THRAP3: variants seen among roughly 807,000 people sequenced by gnomAD.
THRAP3 encodes the protein thyroid hormone receptor-associated protein 3.
Under a neutral mutation model 101.0 loss-of-function variants are expected in THRAP3, and 16 were observed. The ratio of observed to expected loss-of-function variants is 0.16; its 90% CI spans 0.11 to 0.24. The LOEUF (loss-of-function observed/expected upper bound fraction) is 0.24. Among genes scored for constraint, THRAP3 ranks in the 10% least tolerant of loss-of-function variants. The pLI is 1.00. For synonymous variants in THRAP3, 407 were observed against 422.6 expected, an observed-to-expected ratio of 0.96 and a Z score of 0.45; for missense variants, 989 against 1,202.7, an observed-to-expected ratio of 0.82 and a Z score of 2.63.
At chr1:36,263,150 A>G (rs1645469347) in intron 2 of THRAP3, among the ~76,000 whole-genome samples, 1 of 151,256 alleles carries the variant, frequency 6.6e-6, no homozygotes, top group Non-Finnish European at 1.5e-5. Context: ...CCAAGGCTGG[A>G]GTGCAGTGGC....
chr1:36,219,493 C>T (rs1212833617), upstream of THRAP3, among the ~76,000 whole-genome samples: 1 of 152,090 alleles, frequency 6.6e-6, no homozygotes, highest in Non-Finnish European at 1.5e-5. Context: ...GGAGCAATCT[C>T]GGCTCACTGT....
At chr1:36,243,989 C>A (rs1645200355) in intron 1 of THRAP3, among the ~76,000 whole-genome samples, 1 of 144,702 alleles carries the variant, frequency 6.9e-6, no homozygotes. Flanking sequence ...CCCCACCTCC[C>A]TCCCGGACGG....
intron 1 of THRAP3, among the ~76,000 whole-genome samples, chr1:36,228,850 G>A (rs1227412155): frequency 6.6e-6 from 1 of 152,106 alleles, no homozygotes; most frequent in Non-Finnish European, 1.5e-5. Flanking sequence ...CCATAAAAAT[G>A]TAGGCTGGGC....
chr1:36,270,428 C>T (rs181452456), intron 2 of THRAP3, among the ~76,000 whole-genome samples: 4 of 152,230 alleles, frequency 2.6e-5, no homozygotes, highest in Admixed American at 2.0e-4. Flanking sequence ...CGCACACGCA[C>T]GCATGCCTGC....
upstream of THRAP3, among the ~76,000 whole-genome samples, chr1:36,222,979 A>C (rs895431063): frequency 3.3e-5 from 5 of 152,206 alleles, no homozygotes; most frequent in South Asian, 1.0e-3. Context: ...AAGTAGAAAA[A>C]TTAGCCGGGT....
intron 1 of THRAP3, among the ~76,000 whole-genome samples, chr1:36,245,320 T>C (rs760321588): frequency 6.6e-6 from 1 of 151,734 alleles, no homozygotes; most frequent in African/African-American, 2.4e-5. Flanking sequence ...GCCTGCGCCA[T>C]CACACCCGGC....
chr1:36,293,308 C>T (rs1306739968), intron 7 of THRAP3, among the ~76,000 whole-genome samples: 3 of 152,126 alleles, frequency 2.0e-5, no homozygotes, highest in Admixed American at 6.5e-5. Context: ...GGATTACAGG[C>T]GTGAGCCACT....
chr1:36,271,960 C>T (rs1645598051), intron 2 of THRAP3, among the ~76,000 whole-genome samples: 1 of 151,944 alleles, frequency 6.6e-6, no homozygotes, highest in Admixed American at 6.6e-5. Context: ...GAACTCCTGA[C>T]CTCAAGTAAT....
At chr1:36,256,989 G>A (rs1451956113) in intron 1 of THRAP3, among the ~76,000 whole-genome samples, 2 of 152,172 alleles carry the variant, frequency 1.3e-5, no homozygotes, top group African/African-American at 2.4e-5. Flanking sequence ...TAAAGACGGG[G>A]TTTCTCCATG....
intron 2 of THRAP3, among the ~76,000 whole-genome samples, chr1:36,272,997 G>T (rs1645610455): frequency 6.6e-6 from 1 of 152,222 alleles, no homozygotes; most frequent in Non-Finnish European, 1.5e-5. Flanking sequence ...TGAAGAGAAT[G>T]GAGATTGAAG....
chr1:36,280,936 T>G (rs1017771436), intron 2 of THRAP3, among the ~76,000 whole-genome samples: 39 of 151,878 alleles, frequency 2.6e-4, no homozygotes, highest in Non-Finnish European at 5.7e-4. Context: ...TATTTATTTT[T>G]TTTTTTGAGA....
At chr1:36,274,592 G>A (rs984508388) in intron 2 of THRAP3, among the ~76,000 whole-genome samples, 6 of 149,756 alleles carry the variant, frequency 4.0e-5, no homozygotes, top group Non-Finnish European at 8.9e-5. Flanking sequence ...TTGAGAGTCC[G>A]GAAATGAATC....
chr1:36,231,444 T>C (rs1645026905), intron 1 of THRAP3, among the ~76,000 whole-genome samples: 1 of 152,208 alleles, frequency 6.6e-6, no homozygotes, highest in African/African-American at 2.4e-5. Context: ...TTGGCCTGTC[T>C]CAGAAGATAG....
At chr1:36,210,821 C>A in the THRAP3 span, among the ~76,000 whole-genome samples, 1 of 141,638 alleles carries the variant, frequency 7.1e-6, no homozygotes, top group Non-Finnish European at 1.5e-5. Flanking sequence ...ACTGGAATCA[C>A]CTGAATCAAC....
At chr1:36,294,683 C>T (rs1284657830) in intron 8 of THRAP3, among the ~76,000 whole-genome samples, 1 of 152,194 alleles carries the variant, frequency 6.6e-6, no homozygotes, top group Non-Finnish European at 1.5e-5. Flanking sequence ...CGCTTCTGGG[C>T]AGTCTCTCTT....
intron 10 of THRAP3, 114 bp from the exon 11 acceptor site, chr1:36,301,439 C>G: frequency 7.5e-7 from 1 of 1,326,524 alleles, no homozygotes; most frequent in South Asian, 1.5e-5. Flanking sequence ...CAGCATATGA[C>G]TGGAAGACAG....
At chr1:36,292,502 C>T (rs950735820) in intron 6 of THRAP3, 96 bp from the exon 7 acceptor site, 5 of 817,536 alleles carry the variant, frequency 6.1e-6, no homozygotes, top group South Asian at 5.1e-5. Flanking sequence ...GATCTCTTGA[C>T]CTCGTGATCT....
chr1:36,300,210 C>T (rs914299616), intron 9 of THRAP3, among the ~76,000 whole-genome samples: 5 of 152,154 alleles, frequency 3.3e-5, no homozygotes, highest in Middle Eastern at 3.2e-3. Flanking sequence ...GGGAGAGTTG[C>T]GCCAGATCCT....
intron 8 of THRAP3, among the ~76,000 whole-genome samples, chr1:36,296,047 C>T (rs193069546): frequency 2.8e-5 from 4 of 141,244 alleles, no homozygotes; most frequent in African/African-American, 1.1e-4. Flanking sequence ...GATCTCAGCT[C>T]ACTGCAACCT....
Sources: allele counts gnomAD v4.1 joint callset (sites outside exome capture counted in the v4.1 genomes callset), GRCh38; gene constraint gnomAD v4.1.1; transcripts MANE v1.5; gene names NCBI Gene and HGNC (gene_info 2026-07-23, HGNC 2026-07-21).